Variants in TRPM7 observed in about 807,000 individuals in gnomAD.
TRPM7 encodes transient receptor potential cation channel subfamily M member 7.
In TRPM7, 134 loss-of-function variants were observed where a neutral mutation model predicts 229.7. The ratio of observed to expected loss-of-function variants is 0.58; its 90% CI spans 0.51 to 0.67. TRPM7 has a LOEUF of 0.67. Ranked by LOEUF, TRPM7 falls within the 30% of genes least tolerant of loss-of-function variation. The pLI is 0.00. For missense variants in TRPM7, 1,901 were observed against 2,210.0 expected, an observed-to-expected ratio of 0.86 and a Z score of 2.80; for synonymous variants, 699 against 715.2, an observed-to-expected ratio of 0.98 and a Z score of 0.36.
chr15:50,683,984 C>G (rs748115385), intron 1 of TRPM7, among the ~76,000 whole-genome samples: 53 of 151,732 alleles, frequency 3.5e-4, no homozygotes, highest in Non-Finnish European at 6.0e-4. Flanking sequence ...CTCAGCCTCA[C>G]GAGTAGCTGG....
chr15:50,643,091 C>T (rs2061151386), intron 5 of TRPM7, among the ~76,000 whole-genome samples: 1 of 152,054 alleles, frequency 6.6e-6, no homozygotes, highest in South Asian at 2.1e-4. Context: ...CAGTTCGAGA[C>T]CAGCCTGACC....
At position 50,657,820 on chromosome 15, in the gene TRPM7, C is replaced by CTA. The variant is rs758181126; in HGVS notation, c.84-3_84-2dup. The CTA allele has an allele frequency of 3.7e-6, 6 of 1,610,012 alleles. No individual in the cohort carries two copies. In the African/African-American group the frequency reaches 8.0e-5, roughly 22 times the overall value. On this transcript the variant is annotated splice_acceptor_variant, in intron 2 of 38. Coordinates refer to ENST00000646667, the MANE Select transcript of TRPM7 (RefSeq NM_017672.6). LOFTEE classifies it high-confidence loss of function. The stretch of plus-strand genomic sequence containing the variant: ...ACAAATTTGACATCCTGGAAGGCAT[C>CTA]TATTGAACACAAAAAGGTAAATAAA...
chr15:50,600,067 C>T (rs148744081), intron 21 of TRPM7, among the ~76,000 whole-genome samples: 1 of 152,304 alleles, frequency 6.6e-6, no homozygotes, highest in African/African-American at 2.4e-5. Context: ...AATAAAACTT[C>T]ACCTCCCATC....
intron 21 of TRPM7, among the ~76,000 whole-genome samples, chr15:50,601,374 T>C (rs1417449235): frequency 6.6e-6 from 1 of 152,202 alleles, no homozygotes; most frequent in Non-Finnish European, 1.5e-5. Context: ...CTGGGCACGG[T>C]GGCTCACGCC....
intron 12 of TRPM7, among the ~76,000 whole-genome samples, chr15:50,621,242 G>T (rs1359899985): frequency 6.6e-6 from 1 of 151,222 alleles, no homozygotes; most frequent in Non-Finnish European, 1.5e-5. Context: ...CTCCCCCACA[G>T]GTGAACTTTT....
chr15:50,574,611 A>T (rs376767114), intron 35 of TRPM7, 26 bp downstream of exon 35: 13 of 1,594,228 alleles, frequency 8.2e-6, no homozygotes, highest in Non-Finnish European at 1.1e-5. Flanking sequence ...ATAATAAAAG[A>T]TCCCAGAAAA....
chr15:50,592,894 A>C (rs2059541681), intron 25 of TRPM7, among the ~76,000 whole-genome samples: 1 of 152,226 alleles, frequency 6.6e-6, no homozygotes, highest in African/African-American at 2.4e-5. Flanking sequence ...AAGTAACACA[A>C]AATAATGTAT....
rs59579538 is a variant in TRPM7, at chr15:50,650,192, C to CAA, written c.123-1309_123-1308dup. 2.6e-3 allele frequency among the ~76,000 whole-genome samples: 159 copies of CAA among 62,278 alleles called. 10 individuals are homozygous for CAA. Among genetic ancestry groups the CAA allele is most frequent in the African/African-American group, 7.2e-3 (100 of 13,918 alleles). 40.9% of individuals were successfully genotyped at this position (62,278 alleles called of 152,430 possible). ...TGGGTGAAAGAGTGAGACTTTGTCT[C>CAA]AAAAAAAAAAAAAAAAAAAAAAAAA... On this transcript the variant is annotated intron_variant, in intron 3 of 38. Transcript: ENST00000646667.
chr15:50,610,788 T>C (rs1425674777), intron 17 of TRPM7, among the ~76,000 whole-genome samples: 2 of 152,124 alleles, frequency 1.3e-5, no homozygotes, highest in African/African-American at 4.8e-5. Context: ...AATCTTTTCA[T>C]AAAGTAGTAA....
intron 13 of TRPM7, among the ~76,000 whole-genome samples, chr15:50,617,131 A>AAAT (rs2060243643): frequency 7.3e-6 from 1 of 137,354 alleles, no homozygotes; most frequent in Non-Finnish European, 1.5e-5. Context: ...CTCTACCAAA[A>AAAT]AAATAAATAA....
chr15:50,679,540 T>TATATGTGTATATATATAA (rs1567129715), intron 1 of TRPM7, among the ~76,000 whole-genome samples: 1 of 49,542 alleles, frequency 2.0e-5, no homozygotes, highest in African/African-American at 7.7e-5. Context: ...ATATATATAT[T>TATATGTGTATATATATAA]TTTTTTTTTT....
In TRPM7 at chr15:50,576,059, A is replaced by T. The variant is rs2054116101; in HGVS notation, c.4619-140T>A. On this transcript the variant is annotated intron_variant, in intron 31 of 38. Coordinates refer to ENST00000646667, the MANE Select transcript of TRPM7 (RefSeq NM_017672.6). ...CAAAAACAGAAAAATTAGGGATAAA[A>T]TATGTCCACTGTGCTATATTACCCT... 3.8e-6 allele frequency: 3 copies of T among 793,932 alleles called. No individual in the cohort carries two copies. The Admixed American group carries it at 8.3e-5, about 22-fold the overall frequency. The allele number at this position is 793,932 out of a possible 1,614,324, so 49.2% of individuals were successfully genotyped here. A position where few individuals can be genotyped will look rare whatever the true frequency, so the allele number is the denominator to read the frequency against.
At chr15:50,566,759 A>G (rs2053616872) in intron 38 of TRPM7, among the ~76,000 whole-genome samples, 2 of 152,188 alleles carry the variant, frequency 1.3e-5, no homozygotes, top group Non-Finnish European at 2.9e-5. Context: ...AATAAACTAG[A>G]AAAAGAACAA....
At chr15:50,628,738 C>G (rs555709187) in intron 10 of TRPM7, among the ~76,000 whole-genome samples, 67 of 152,216 alleles carry the variant, frequency 4.4e-4, no homozygotes, top group Non-Finnish European at 7.5e-4. Flanking sequence ...CAGCTATAAA[C>G]GACATATTCC....
intron 10 of TRPM7, among the ~76,000 whole-genome samples, chr15:50,628,754 AT>A (rs1157096065): frequency 1.3e-5 from 2 of 152,244 alleles, no homozygotes; most frequent in Non-Finnish European, 2.9e-5. Context: ...ATTCCCATTC[AT>A]TGCAAACATT....
Position 50,648,903 on chromosome 15 carries a change from G to C in TRPM7, c.123-18C>G, listed in dbSNP as rs752537466. On this transcript the variant is annotated intron_variant, in intron 3 of 38. Transcript: ENST00000646667. ...AAAAACACCTAAAAGAAAAAGGTGA[G>C]ATTAAAACACCCTTCAAAAAATTAG... The C allele has an allele frequency of 6.4e-7, 1 of 1,568,906 alleles. No homozygotes were observed. Among genetic ancestry groups the C allele is most frequent in the South Asian group, 1.2e-5 (1 of 82,574 alleles).
intron 30 of TRPM7, among the ~76,000 whole-genome samples, chr15:50,580,551 A>T (rs988930067): frequency 3.3e-5 from 5 of 152,236 alleles, no homozygotes; most frequent in African/African-American, 4.8e-5. Flanking sequence ...CTAAAGTCTC[A>T]AACTAGGTCT....
chr15:50,580,882 G>A lies in TRPM7; in HGVS notation c.4584C>T (p.Asn1528=), dbSNP rs759608376. ...IPDWLQDRPS[N]REMPSEEGTL... ...AGAAAAAGCTTACTTACATTTCTCT[G>A]TTTGATGGTCTATCTTGTAACCAAT... is the stretch of plus-strand genomic sequence containing the variant. Residue 1528 remains asparagine (N), a synonymous_variant, in exon 30 of 39, where the codon AAC becomes AAT. Coordinates refer to ENST00000646667, the MANE Select transcript of TRPM7 (RefSeq NM_017672.6). 5.7e-6 allele frequency: 9 copies of A among 1,584,556 alleles called. No homozygotes were observed. The African/African-American group carries it at 1.1e-4, about 19-fold the overall frequency.
At position 50,575,858 on chromosome 15, in the gene TRPM7, A is replaced by G. The variant is rs764718919; in HGVS notation, c.4669+11T>C. 3 of 1,612,730 alleles carry G rather than the reference A, an allele frequency of 1.9e-6. No individual in the cohort carries two copies. The highest frequency in any genetic ancestry group is 2.7e-5 in the African/African-American group (2 of 74,974). ...AAAATGCTATTAAATTTTGTTTTTA[A>G]TATTACTGACCTGAATAATAGTAAT... On this transcript the variant is annotated intron_variant, in intron 32 of 38. Coordinates refer to ENST00000646667, the MANE Select transcript of TRPM7 (RefSeq NM_017672.6).
Sources: gnomAD v4.1 joint callset for allele counts (sites outside exome capture counted in the v4.1 genomes callset) on GRCh38, gnomAD v4.1.1 for gene constraint, MANE v1.5 for transcripts, NCBI Gene and HGNC (gene_info 2026-07-23, HGNC 2026-07-21) for gene names.